The following SORCS2 variants were observed in gnomAD, a reference collection of about 807,000 sequenced individuals.
SORCS2 encodes the protein VPS10 domain-containing receptor SorCS2.
In SORCS2, 100 loss-of-function variants were observed where a neutral mutation model predicts 141.6. That is an observed-to-expected ratio of 0.71 (90% confidence interval 0.60 to 0.83). The LOEUF (loss-of-function observed/expected upper bound fraction) is 0.83. Among genes scored for constraint, SORCS2 ranks in the 40% least tolerant of loss-of-function variants. The pLI, the probability that SORCS2 is intolerant of heterozygous loss-of-function variation, is 0.00. For missense variants in SORCS2, 1,646 were observed against 1,560.2 expected (o/e 1.05, Z -0.93); for synonymous variants, 789 against 676.9 (o/e 1.17, Z -2.57).
At chr4:7,430,064 T>C (rs1726726841) in intron 2 of SORCS2, among the ~76,000 whole-genome samples, 2 of 152,074 alleles carry the variant, frequency 1.3e-5, no homozygotes, top group Non-Finnish European at 2.9e-5. Context: ...CGCTTCTCGT[T>C]GTAAGGAATA....
intron 21 of SORCS2, among the ~76,000 whole-genome samples, chr4:7,728,101 C>T (rs556264846): frequency 2.0e-5 from 3 of 152,344 alleles, no homozygotes; most frequent in Admixed American, 2.0e-4. Flanking sequence ...AGATGGCAGC[C>T]AGTGACATGG....
chr4:7,335,501 G>A (rs530961725), intron 1 of SORCS2, among the ~76,000 whole-genome samples: 2 of 152,268 alleles, frequency 1.3e-5, no homozygotes, highest in South Asian at 2.1e-4. Context: ...CTCTGGGCGG[G>A]CCTCACCCTG....
chr4:7,550,561 A>G (rs535356302), intron 3 of SORCS2, among the ~76,000 whole-genome samples: 2 of 152,274 alleles, frequency 1.3e-5, no homozygotes, highest in African/African-American at 4.8e-5. Context: ...TGTCTGGGGA[A>G]CCCAGCTGGC....
At chr4:7,298,748 G>A (rs1408384570) in intron 1 of SORCS2, among the ~76,000 whole-genome samples, 1 of 152,216 alleles carries the variant, frequency 6.6e-6, no homozygotes, top group Non-Finnish European at 1.5e-5. Context: ...CCAAAGACCT[G>A]AGCAAACATT....
chr4:7,333,256 G>A (rs894626399), intron 1 of SORCS2, among the ~76,000 whole-genome samples: 10 of 152,218 alleles, frequency 6.6e-5, no homozygotes, highest in African/African-American at 2.2e-4. Context: ...CTTGCGTTGG[G>A]TGTTGCTTCC....
At chr4:7,229,091 C>A (rs1711627594) in intron 1 of SORCS2, among the ~76,000 whole-genome samples, 1 of 152,158 alleles carries the variant, frequency 6.6e-6, no homozygotes, top group African/African-American at 2.4e-5. Flanking sequence ...TCTTGCTATT[C>A]CCTGGGCCCT....
At chr4:7,361,494 G>GCTTCTC (rs1721575307) in intron 1 of SORCS2, among the ~76,000 whole-genome samples, 1 of 152,182 alleles carries the variant, frequency 6.6e-6, no homozygotes, top group Non-Finnish European at 1.5e-5. Flanking sequence ...GAGGATCTGG[G>GCTTCTC]CTTCTCACGC....
chr4:7,703,218 A>C, intron 12 of SORCS2, 62 bp from the exon 13 acceptor site: 3 of 1,385,914 alleles, frequency 2.2e-6, no homozygotes, highest in Non-Finnish European at 3.0e-6. Context: ...GGAGCCGCTC[A>C]GCCTGGAACA....
intron 9 of SORCS2, among the ~76,000 whole-genome samples, chr4:7,679,234 CA>C (rs1723360157): frequency 6.6e-6 from 1 of 152,150 alleles, no homozygotes. Flanking sequence ...AGACAGCAAA[CA>C]TTTCCTAGGC....
At chr4:7,666,449 C>T (rs1722511121) in intron 7 of SORCS2, among the ~76,000 whole-genome samples, 1 of 152,198 alleles carries the variant, frequency 6.6e-6, no homozygotes, top group African/African-American at 2.4e-5. Flanking sequence ...CCTGCCCTCT[C>T]CCTTCCTCCC....
chr4:7,289,057 G>A (rs1451849219), intron 1 of SORCS2, among the ~76,000 whole-genome samples: 1 of 152,100 alleles, frequency 6.6e-6, no homozygotes, highest in Non-Finnish European at 1.5e-5. Context: ...CTTGGGCTTG[G>A]CACTAGATTT....
intron 9 of SORCS2, among the ~76,000 whole-genome samples, chr4:7,676,919 T>A (rs1560475942): frequency 1.2e-4 from 5 of 43,410 alleles, no homozygotes; most frequent in African/African-American, 1.6e-4. Context: ...TCTCTCCCTC[T>A]CTCCCTCTCT....
chr4:7,575,511 T>C (rs141868265), intron 3 of SORCS2, among the ~76,000 whole-genome samples: 1 of 152,356 alleles, frequency 6.6e-6, no homozygotes, highest in Non-Finnish European at 1.5e-5. Flanking sequence ...TATATTTAGA[T>C]TTCATAACAT....
At chr4:7,480,186 C>T (rs1730545971) in intron 2 of SORCS2, among the ~76,000 whole-genome samples, 1 of 152,212 alleles carries the variant, frequency 6.6e-6, no homozygotes, top group Non-Finnish European at 1.5e-5. Context: ...CTGGGCTTTG[C>T]CCTGAAGCAG....
At chr4:7,466,956 G>A (rs904996748) in intron 2 of SORCS2, among the ~76,000 whole-genome samples, 1 of 152,122 alleles carries the variant, frequency 6.6e-6, no homozygotes, top group African/African-American at 2.4e-5. Context: ...TTGGAGATGG[G>A]TGGGGCTTGT....
At chr4:7,347,361 G>A (rs1436931453) in intron 1 of SORCS2, among the ~76,000 whole-genome samples, 2 of 152,208 alleles carry the variant, frequency 1.3e-5, no homozygotes, top group African/African-American at 4.8e-5. Flanking sequence ...ATTCCCATGG[G>A]CCACGCCTCG....
rs577115119 is a variant in SORCS2 at position 7,441,713 on chromosome 4, C to G, written c.548+45358C>G. ...GCCCAGGTTGTCATCCACCTCCTCCCCTAACCCAGATTACCCTCCACCCCC... is the reference window on the plus strand; with the variant it reads ...GCCCAGGTTGTCATCCACCTCCTCCGCTAACCCAGATTACCCTCCACCCCC... On this transcript the variant is annotated intron_variant, in intron 2 of 26. Transcript: ENST00000507866. Among the ~76,000 whole-genome samples the G allele has an allele frequency of 2.1e-3, 295 of 142,514 alleles. 2 individuals carry two copies. Among genetic ancestry groups the G allele is most frequent in the Non-Finnish European group, 3.1e-3 (204 of 65,118 alleles). 93.5% of individuals were successfully genotyped at this position (142,514 alleles called of 152,430 possible).
chr4:7,386,301 C>A (rs1462322796), intron 1 of SORCS2, among the ~76,000 whole-genome samples: 2 of 83,250 alleles, frequency 2.4e-5, no homozygotes, highest in East Asian at 7.8e-4. Context: ...CATGCACACA[C>A]ATACACATTT....
At chr4:7,281,099 A>G (rs900621309) in intron 1 of SORCS2, among the ~76,000 whole-genome samples, 9 of 152,176 alleles carry the variant, frequency 5.9e-5, no homozygotes, top group African/African-American at 1.7e-4. Context: ...GCACGGCCTC[A>G]TAAAAGGAGA....
Sources: allele counts gnomAD v4.1 joint callset (sites outside exome capture counted in the v4.1 genomes callset), GRCh38; gene constraint gnomAD v4.1.1; transcripts MANE v1.5; gene names NCBI Gene and HGNC (gene_info 2026-07-23, HGNC 2026-07-21).